DACH2: variants seen among roughly 807,000 people sequenced by gnomAD.
The protein encoded by DACH2 is dachshund family transcription factor 2.
Under a neutral mutation model 35.8 loss-of-function variants are expected in DACH2, and 17 were observed. That is an observed-to-expected ratio of 0.48 (90% confidence interval 0.33 to 0.71). DACH2 has a LOEUF of 0.71. Among genes scored for constraint, DACH2 ranks in the 30% least tolerant of loss-of-function variants. The probability of loss-of-function intolerance (pLI) is 0.02; values close to 1 mark genes in which losing one functional copy is unlikely to be tolerated. For synonymous variants in DACH2, 195 were observed against 177.3 expected, an observed-to-expected ratio of 1.10 and a Z score of -0.79; for missense variants, 469 against 472.7, an observed-to-expected ratio of 0.99 and a Z score of 0.07.
chrX:86,637,246 A>AAAAAAAAG (rs2040282352), intron 3 of DACH2, among the ~76,000 whole-genome samples: 2 of 81,848 alleles, frequency 2.4e-5, no homozygotes, highest in Non-Finnish European at 4.5e-5. Flanking sequence ...AAAAAAAAAA[A>AAAAAAAAG]CAGATGCTGG....
At chrX:86,757,318 T>G (rs2041838942) in intron 7 of DACH2, among the ~76,000 whole-genome samples, 1 of 111,627 alleles carries the variant, frequency 9.0e-6, no homozygotes, top group Non-Finnish European at 1.9e-5. Context: ...TCTGAGATAC[T>G]GGCCTGTAGT....
chrX:86,766,517 C>T (rs1013697776), intron 7 of DACH2, among the ~76,000 whole-genome samples: 14 of 111,723 alleles, frequency 1.3e-4, no homozygotes, highest in African/African-American at 4.6e-4. Context: ...CAACACATCA[C>T]TGCTTTAACC....
At chrX:86,614,070 G>A (rs1387378392) in intron 3 of DACH2, among the ~76,000 whole-genome samples, 1 of 111,728 alleles carries the variant, frequency 9.0e-6, no homozygotes, top group Non-Finnish European at 1.9e-5. Flanking sequence ...TCACAGTAAC[G>A]TCATCATTTT....
At chrX:86,604,783 T>G (rs2039836350) in intron 3 of DACH2, among the ~76,000 whole-genome samples, 1 of 111,138 alleles carries the variant, frequency 9.0e-6, no homozygotes, top group South Asian at 3.8e-4. Context: ...GTCAGAGGGA[T>G]GTAGTGAAAG....
chrX:86,462,369 G>A (rs1482235266), intron 2 of DACH2, among the ~76,000 whole-genome samples: 1 of 111,460 alleles, frequency 9.0e-6, no homozygotes, highest in Non-Finnish European at 1.9e-5. Flanking sequence ...TGAAATAAAT[G>A]CAAATGATGA....
chrX:86,584,831 G>A (rs1040915582), intron 3 of DACH2, among the ~76,000 whole-genome samples: 6 of 110,764 alleles, frequency 5.4e-5, no homozygotes, highest in Non-Finnish European at 7.6e-5. Context: ...AGTACACCCC[G>A]GTGTCTATTG....
At chrX:86,615,253 C>A (rs187034773) in intron 3 of DACH2, among the ~76,000 whole-genome samples, 1 of 111,801 alleles carries the variant, frequency 8.9e-6, no homozygotes, top group Non-Finnish European at 1.9e-5. Context: ...ATGAAATTAG[C>A]AGATGCAAAC....
chrX:86,440,535 A>G (rs1355012826), intron 2 of DACH2, among the ~76,000 whole-genome samples: 1 of 111,547 alleles, frequency 9.0e-6, no homozygotes, highest in Non-Finnish European at 1.9e-5. Flanking sequence ...TTGGCAAGGT[A>G]TAGTTGGACC....
chrX:86,509,870 A>G (rs2148266199), intron 2 of DACH2, among the ~76,000 whole-genome samples: 1 of 112,130 alleles, frequency 8.9e-6, no homozygotes, highest in Admixed American at 9.5e-5. Flanking sequence ...GGGATTTTAA[A>G]TATCAGTGAT....
In DACH2 at chrX:86,714,594, C is replaced by T; in HGVS notation, c.978C>T (p.Val326=). ...TGATGCCTCATCCCCTACTTCCAGTCAGCTTACCTCCTGCATCAGTTGCCA... is the reference window on the plus strand; with the variant it reads ...TGATGCCTCATCCCCTACTTCCAGTTAGCTTACCTCCTGCATCAGTTGCCA... The part of the protein sequence containing the change: ...FMMMPHPLLP[V]SLPPASVAMA... Residue 326 remains valine, a synonymous_variant, in exon 6 of 12, where the codon GTC becomes GTT. Coordinates refer to ENST00000373125, the MANE Select transcript of DACH2 (RefSeq NM_053281.3). 1 of 1,207,792 alleles carries T rather than the reference C, an allele frequency of 8.3e-7. No homozygotes were observed.
chrX:86,403,308 A>G (rs995281025), intron 2 of DACH2, among the ~76,000 whole-genome samples: 4 of 112,082 alleles, frequency 3.6e-5, no homozygotes, highest in East Asian at 2.8e-4. Flanking sequence ...TAATATACAG[A>G]ATCTATCAGG....
In DACH2 at chrX:86,254,226, G is replaced by C. The variant is rs146102852; in HGVS notation, c.488+105118G>C. 8.6e-3 allele frequency among the ~76,000 whole-genome samples: 960 copies of C among 111,608 alleles called. 11 individuals carry two copies. Among genetic ancestry groups the C allele is most frequent in the African/African-American group, 0.03 (929 of 30,796 alleles). On this transcript the variant is annotated intron_variant, in intron 1 of 11. Coordinates refer to ENST00000373125, the MANE Select transcript of DACH2 (RefSeq NM_053281.3). ...TAATATGTTTTGTTTAGATAAATTT[G>C]ACCATGTATTAAAGATCATCCTACA...
chrX:86,715,416 T>A (rs1309560251), intron 6 of DACH2, among the ~76,000 whole-genome samples: 1 of 111,457 alleles, frequency 9.0e-6, no homozygotes. Flanking sequence ...TTCTTTTTCC[T>A]CTTAGTTTGG....
intron 3 of DACH2, among the ~76,000 whole-genome samples, chrX:86,564,853 T>C (rs1000426406): frequency 1.8e-5 from 2 of 111,243 alleles, no homozygotes; most frequent in Non-Finnish European, 3.8e-5. Context: ...GCACAGGGAA[T>C]ATTAGTGATG....
intron 1 of DACH2, among the ~76,000 whole-genome samples, chrX:86,294,476 T>A (rs2034395015): frequency 9.0e-6 from 1 of 111,301 alleles, no homozygotes; most frequent in Admixed American, 9.6e-5. Context: ...AGGAACTGCA[T>A]TCCTTTGGAG....
At chrX:86,785,933 A>G (rs2042132439) in intron 7 of DACH2, among the ~76,000 whole-genome samples, 3 of 111,798 alleles carry the variant, frequency 2.7e-5, no homozygotes, top group African/African-American at 9.7e-5. Context: ...CATGGCCAGA[A>G]ACAAGATTTG....
chrX:86,178,137 CTG>C (rs1291485721), intron 1 of DACH2, among the ~76,000 whole-genome samples: 1 of 111,594 alleles, frequency 9.0e-6, no homozygotes, highest in African/African-American at 3.2e-5. Flanking sequence ...CCTGAGGAAA[CTG>C]TTATCAGAAA....
intron 2 of DACH2, among the ~76,000 whole-genome samples, chrX:86,385,671 C>T (rs1465581295): frequency 9.0e-6 from 1 of 110,794 alleles, no homozygotes; most frequent in Non-Finnish European, 1.9e-5. Context: ...CCTGGGATAT[C>T]GAGTGATGAC....
At chrX:86,820,050 A>G (rs2042494186) in intron 11 of DACH2, among the ~76,000 whole-genome samples, 1 of 111,836 alleles carries the variant, frequency 8.9e-6, no homozygotes, top group Non-Finnish European at 1.9e-5. Context: ...TACATTTTAG[A>G]AAATAGACAA....
Sources: gnomAD v4.1 joint callset for allele counts (sites outside exome capture counted in the v4.1 genomes callset) on GRCh38, gnomAD v4.1.1 for gene constraint, MANE v1.5 for transcripts, NCBI Gene and HGNC (gene_info 2026-07-23, HGNC 2026-07-21) for gene names.